CBR4: variants seen among roughly 807,000 people sequenced by gnomAD.
CBR4 encodes the protein carbonyl reductase 4, also known as 3-oxoacyl-[acyl-carrier-protein] reductase.
In CBR4, 22 loss-of-function variants were observed where a neutral mutation model predicts 21.0. The observed-to-expected ratio is 1.05, with a 90% CI of 0.75 to 1.50. The LOEUF (loss-of-function observed/expected upper bound fraction) is 1.50, where lower values mean the gene tolerates loss of function less well. CBR4 is among the 40% of genes most tolerant of loss of function. The probability of loss-of-function intolerance (pLI) is 0.00; values close to 1 mark genes in which losing one functional copy is unlikely to be tolerated. For missense variants in CBR4, 302 were observed against 286.3 expected (o/e 1.05, Z -0.40); for synonymous variants, 100 against 104.4 (o/e 0.96, Z 0.26).
intron 4 of CBR4, 152 bp downstream of exon 4, chr4:169,001,919 A>AT: frequency 2.9e-6 from 2 of 688,452 alleles, no homozygotes; most frequent in Non-Finnish European, 2.2e-6. Flanking sequence ...GGTACAAAAA[A>AT]TTTTTTTGAG....
At position 169,002,212 on chromosome 4, in the gene CBR4, CAAAAAAAAAAAA is replaced by C. The variant is rs60552620; in HGVS notation, c.401-19_401-8del. 1.2e-4 allele frequency: 122 copies of C among 1,014,908 alleles called. No individual in the cohort carries two copies. Among genetic ancestry groups the C allele is most frequent in the South Asian group, 2.4e-4 (5 of 20,444 alleles). 62.9% of individuals were successfully genotyped at this position (1,014,908 alleles called of 1,614,324 possible). Reference sequence around the variant, plus strand: ...TTTAAGCCAACAATGCTTCCTAGGACAAAAAAAAAAAAAAAAAAAAAAAAAGCGTATTAAATT... The same window carrying C: ...TTTAAGCCAACAATGCTTCCTAGGACAAAAAAAAAAAAAGCGTATTAAATT... On this transcript the variant is annotated splice_region_variant and splice_polypyrimidine_tract_variant and intron_variant, in intron 3 of 4. Transcript: ENST00000306193.
At chr4:168,905,196 G>T (rs921522723) in intron 2 of CBR4, among the ~76,000 whole-genome samples, 93 of 131,264 alleles carry the variant, frequency 7.1e-4, no homozygotes, top group African/African-American at 2.3e-3. Flanking sequence ...TGTCGCCCAG[G>T]CTGGAATGCA....
Position 168,982,374 on chromosome 4 carries a change from A to AAT in CBR4, n.169+19695_169+19696dup, listed in dbSNP as rs199792060. ...AATTCAACAAGACTTAACTATCCTAAATATATATATATGCAGTCAACATTG... is the reference window on the plus strand; with the variant it reads ...AATTCAACAAGACTTAACTATCCTAAATATATATATATATGCAGTCAACATTG... On this transcript the variant is annotated intron_variant and non_coding_transcript_variant, in intron 2 of 3. Transcript: ENST00000509108. Among the ~76,000 whole-genome samples the AAT allele has an allele frequency of 4.9e-3, 744 of 152,064 alleles. 7 individuals carry two copies. The highest frequency in any genetic ancestry group is 5.5e-3 in the Admixed American group (84 of 15,266).
downstream of CBR4, among the ~76,000 whole-genome samples, chr4:168,985,776 C>G (rs1021350992): frequency 6.6e-6 from 1 of 152,158 alleles, no homozygotes; most frequent in Non-Finnish European, 1.5e-5. Flanking sequence ...TCCTAAGTAT[C>G]CTAATACCAC....
At chr4:168,936,020 A>C (rs2126666868) in intron 2 of CBR4, among the ~76,000 whole-genome samples, 1 of 152,166 alleles carries the variant, frequency 6.6e-6, no homozygotes, top group East Asian at 1.9e-4. Context: ...CAGACATCTC[A>C]TACAGGACAG....
chr4:168,924,085 C>T (rs1431720732), intron 2 of CBR4, among the ~76,000 whole-genome samples: 1 of 152,134 alleles, frequency 6.6e-6, no homozygotes, highest in Non-Finnish European at 1.5e-5. Context: ...AGTATACAGA[C>T]CTTTGCTTGG....
Position 168,928,127 on chromosome 4 carries a change from C to T in CBR4, n.170-33362G>A, listed in dbSNP as rs929683853. On this transcript the variant is annotated intron_variant and non_coding_transcript_variant, in intron 2 of 3. Coordinates refer to the CBR4 transcript ENST00000509108. ...GGCAGATGTTCTATGCAGTGTGGTT[C>T]AAGTTTCTTTGACCGCACTTATATG... 8.8e-5 allele frequency: 17 copies of T among 192,784 alleles called. 1 individual carries two copies. Among genetic ancestry groups the T allele is most frequent in the Admixed American group, 7.9e-4 (13 of 16,376 alleles). The allele number at this position is 192,784 out of a possible 1,614,324, so 11.9% of individuals were successfully genotyped here.
chr4:168,944,837 C>T (rs1178514374), intron 2 of CBR4, among the ~76,000 whole-genome samples: 1 of 152,158 alleles, frequency 6.6e-6, no homozygotes, highest in Non-Finnish European at 1.5e-5. Context: ...TTGTTTCTTA[C>T]TGACTCTCAT....
chr4:168,979,122 C>G (rs545519392), intron 2 of CBR4, among the ~76,000 whole-genome samples: 207 of 151,928 alleles, frequency 1.4e-3, no homozygotes, highest in African/African-American at 4.5e-3. Flanking sequence ...GTTACTCCTC[C>G]TTGGGCAGGG....
At position 168,988,530 on chromosome 4, in the gene CBR4, A is replaced by G; in HGVS notation, c.*1620T>C. ...AGGCCAGCAATTGAGACAGCATTAG[A>G]GAAACTATCTACTATGTCTGAATAA... On this transcript the variant is annotated 3_prime_UTR_variant, in exon 5 of 5. Transcript: ENST00000306193. 2 of 985,384 alleles carry G rather than the reference A, an allele frequency of 2.0e-6. No homozygotes were observed. Among genetic ancestry groups the G allele is most frequent in the Non-Finnish European group, 2.4e-6 (2 of 829,902 alleles). 61.0% of individuals were successfully genotyped at this position (985,384 alleles called of 1,614,324 possible).
At chr4:168,935,452 C>G (rs1218885243) in intron 2 of CBR4, among the ~76,000 whole-genome samples, 1 of 152,098 alleles carries the variant, frequency 6.6e-6, no homozygotes, top group Non-Finnish European at 1.5e-5. Flanking sequence ...GCTAGGGAGC[C>G]AAGTGGTCTA....
intron 2 of CBR4, among the ~76,000 whole-genome samples, chr4:168,952,590 CT>C (rs1426709462): frequency 6.6e-6 from 1 of 152,158 alleles, no homozygotes; most frequent in Non-Finnish European, 1.5e-5. Flanking sequence ...TGTTCAGATT[CT>C]TTTGTCTCAC....
chr4:168,986,316 A>T (rs1764690613), downstream of CBR4, among the ~76,000 whole-genome samples: 1 of 152,298 alleles, frequency 6.6e-6, no homozygotes, highest in East Asian at 1.9e-4. Context: ...ATCCCCAAAG[A>T]TACTGAGGGC....
In CBR4 at chr4:169,002,212, C is replaced by T; in HGVS notation, c.401-7G>A. On this transcript the variant is annotated splice_polypyrimidine_tract_variant and splice_region_variant and intron_variant, in intron 3 of 4. Coordinates refer to ENST00000306193, the MANE Select transcript of CBR4 (RefSeq NM_032783.5). ...TTTAAGCCAACAATGCTTCCTAGGA[C>T]AAAAAAAAAAAAAAAAAAAAAAAAA... 3.9e-6 allele frequency: 4 copies of T among 1,015,200 alleles called. No homozygotes were observed. Among genetic ancestry groups the T allele is most frequent in the South Asian group, 4.9e-5 (1 of 20,466 alleles). The allele number at this position is 1,015,200 out of a possible 1,614,324, so 62.9% of individuals were successfully genotyped here. A position where few individuals can be genotyped will look rare whatever the true frequency, so the allele number is the denominator to read the frequency against.
intron 1 of CBR4, chr4:169,008,897 G>A (rs1731143410): frequency 4.5e-6 from 2 of 441,870 alleles, no homozygotes; most frequent in South Asian, 1.6e-5. Flanking sequence ...AACCAGCACT[G>A]AACAGGTGAT....
At chr4:168,900,668 G>A (rs867916457) in intron 2 of CBR4, among the ~76,000 whole-genome samples, 2 of 152,106 alleles carry the variant, frequency 1.3e-5, no homozygotes, top group Middle Eastern at 3.2e-3. Flanking sequence ...AAAGATCAAA[G>A]AAAAGAGCCT....
intron 2 of CBR4, among the ~76,000 whole-genome samples, chr4:168,948,589 G>A (rs1010746892): frequency 6.6e-6 from 1 of 152,164 alleles, no homozygotes; most frequent in Non-Finnish European, 1.5e-5. Context: ...CATGTGGCTA[G>A]CCAATTATCC....
chr4:168,929,147 A>T (rs1230135058), intron 2 of CBR4, among the ~76,000 whole-genome samples: 3 of 152,170 alleles, frequency 2.0e-5, no homozygotes, highest in Non-Finnish European at 1.5e-5. Flanking sequence ...AAGTGAGGGG[A>T]AAAGGAAGAA....
chr4:168,950,231 G>A (rs1216047894), intron 2 of CBR4, among the ~76,000 whole-genome samples: 1 of 151,884 alleles, frequency 6.6e-6, no homozygotes, highest in East Asian at 1.9e-4. Context: ...GTTGTGCTCT[G>A]TTAGGCATTT....
Sources: allele counts gnomAD v4.1 joint callset (sites outside exome capture counted in the v4.1 genomes callset), GRCh38; gene constraint gnomAD v4.1.1; transcripts MANE v1.5; gene names NCBI Gene and HGNC (gene_info 2026-07-23, HGNC 2026-07-21).